Variants in MED12L observed in about 807,000 individuals in gnomAD.
MED12L encodes the protein mediator complex subunit 12L, also known as mediator of RNA polymerase II transcription subunit 12-like protein.
MED12L carries 60 observed loss-of-function variants against 281.3 expected under a neutral mutation model. The ratio of observed to expected loss-of-function variants is 0.21; its 90% CI spans 0.17 to 0.26. The LOEUF (loss-of-function observed/expected upper bound fraction) is 0.26. Ranked by LOEUF, MED12L falls within the 10% of genes least tolerant of loss-of-function variation. The pLI is 1.00. For synonymous variants in MED12L, 974 were observed against 987.2 expected (o/e 0.99, Z 0.25); for missense variants, 2,146 against 2,680.9 (o/e 0.80, Z 4.41).
chr3:151,250,385 G>A (rs182926650), intron 16 of MED12L, among the ~76,000 whole-genome samples: 1 of 152,212 alleles, frequency 6.6e-6, no homozygotes, highest in East Asian at 1.9e-4. Context: ...CTCTAGAACT[G>A]TTTTCATCTT....
intron 16 of MED12L, among the ~76,000 whole-genome samples, chr3:151,194,867 A>G (rs1037958368): frequency 2.0e-5 from 3 of 152,168 alleles, no homozygotes; most frequent in Non-Finnish European, 4.4e-5. Context: ...ACTTTTACAT[A>G]TAAAAAGCAT....
chr3:151,153,193 A>C (rs1718792163), intron 5 of MED12L, among the ~76,000 whole-genome samples: 1 of 152,172 alleles, frequency 6.6e-6, no homozygotes, highest in East Asian at 1.9e-4. Flanking sequence ...TGACCCCTGA[A>C]ACCCCTTCCA....
chr3:151,218,591 G>A (rs570127189), intron 16 of MED12L, among the ~76,000 whole-genome samples: 1 of 151,956 alleles, frequency 6.6e-6, no homozygotes, highest in Non-Finnish European at 1.5e-5. Context: ...TACTGTGGCC[G>A]GGCACGGTGG....
At chr3:151,144,062 G>C (rs1255649959) in intron 5 of MED12L, among the ~76,000 whole-genome samples, 1 of 152,188 alleles carries the variant, frequency 6.6e-6, no homozygotes, top group South Asian at 2.1e-4. Flanking sequence ...TGGAGAAGGA[G>C]CTGAGCCTGT....
At chr3:151,417,487 C>CTTTTT (rs56128844) in intron 43 of MED12L, among the ~76,000 whole-genome samples, 7 of 78,812 alleles carry the variant, frequency 8.9e-5, no homozygotes, top group African/African-American at 2.0e-4. Context: ...CCCCCCCCGC[C>CTTTTT]TTTTTTTTTT....
intron 39 of MED12L, among the ~76,000 whole-genome samples, chr3:151,400,478 C>A (rs16863364): frequency 6.6e-6 from 1 of 151,934 alleles, no homozygotes; most frequent in African/African-American, 2.4e-5. Context: ...GAATGTGTGC[C>A]CAGTTATAGC....
At chr3:151,097,575 T>C (rs964177761) in intron 2 of MED12L, among the ~76,000 whole-genome samples, 3 of 152,228 alleles carry the variant, frequency 2.0e-5, no homozygotes, top group African/African-American at 7.2e-5. Context: ...GCATTAGATA[T>C]AGTCCCAGTG....
chr3:151,346,875 C>G (rs982539367), intron 16 of MED12L, among the ~76,000 whole-genome samples: 3 of 151,968 alleles, frequency 2.0e-5, no homozygotes, highest in Non-Finnish European at 4.4e-5. Context: ...AAATTCCTTG[C>G]AATTACATGT....
At chr3:151,252,756 A>T (rs990565543) in intron 16 of MED12L, among the ~76,000 whole-genome samples, 1 of 152,148 alleles carries the variant, frequency 6.6e-6, no homozygotes, top group Non-Finnish European at 1.5e-5. Flanking sequence ...AGGTTTGTTC[A>T]TATGTAATCT....
At chr3:151,255,520 G>A (rs1737657659) in intron 16 of MED12L, among the ~76,000 whole-genome samples, 1 of 152,074 alleles carries the variant, frequency 6.6e-6, no homozygotes, top group African/African-American at 2.4e-5. Flanking sequence ...GCCATGGCTG[G>A]GGAGGAGGGT....
intron 5 of MED12L, among the ~76,000 whole-genome samples, chr3:151,153,564 CTTTTTT>C (rs1177653143): frequency 2.1e-5 from 2 of 94,288 alleles, no homozygotes; most frequent in East Asian, 6.6e-4. Flanking sequence ...TGTTTTCTTT[CTTTTTT>C]TTTTTTTTTT....
At chr3:151,097,387 G>A (rs1272503165) in intron 2 of MED12L, among the ~76,000 whole-genome samples, 1 of 152,182 alleles carries the variant, frequency 6.6e-6, no homozygotes, top group Non-Finnish European at 1.5e-5. Context: ...AACAAATTCA[G>A]TCATTCAGCA....
intron 16 of MED12L, among the ~76,000 whole-genome samples, chr3:151,289,371 G>C (rs1378989196): frequency 2.0e-5 from 3 of 152,124 alleles, no homozygotes; most frequent in Non-Finnish European, 4.4e-5. Flanking sequence ...AATTCTATAA[G>C]GCATAGAAAA....
Position 151,163,945 on chromosome 3 carries a change from A to C in MED12L, c.1160A>C (p.Glu387Ala), listed in dbSNP as rs1030075928. 3 of 1,613,472 alleles carry C rather than the reference A, an allele frequency of 1.9e-6. No individual in the cohort carries two copies. The highest frequency in any genetic ancestry group is 2.5e-6 in the Non-Finnish European group (3 of 1,179,694). Residue 387 changes from glutamate (E) to alanine (A), a missense_variant, in exon 9 of 45, where the codon GAA (glutamate) becomes GCA (alanine). Coordinates refer to ENST00000687756, the MANE Select transcript of MED12L (RefSeq NM_001393769.1). ...TTGGTGTGGAATTATTCCACAAATG[A>C]AAATAAGAGCGCAAACCCAGGCTCA... is the stretch of plus-strand genomic sequence containing the variant. ...SALVWNYSTNENKSANPGSPL... is the reference protein window; with the variant it reads ...SALVWNYSTNANKSANPGSPL...
chr3:151,327,982 G>A, intron 16 of MED12L: 3 of 1,532,392 alleles, frequency 2.0e-6, no homozygotes, highest in Non-Finnish European at 2.6e-6. Context: ...TTAACCCTAT[G>A]TACAGTTGTC....
At chr3:151,360,432 T>G (rs1343568397) in intron 20 of MED12L, 42 bp from the exon 21 acceptor site, 1 of 1,588,772 alleles carries the variant, frequency 6.3e-7, no homozygotes, top group Admixed American at 1.7e-5. Flanking sequence ...ACCCACATAG[T>G]ACAAATCTAT....
intron 5 of MED12L, among the ~76,000 whole-genome samples, chr3:151,151,030 G>GGTTTTTTTTTTTTTTTTT (rs1342933481): frequency 8.5e-5 from 1 of 11,808 alleles, no homozygotes; most frequent in Non-Finnish European, 1.9e-4. Context: ...TGCTGAAGTA[G>GGTTTTTTTTTTTTTTTTT]CTTTTTTTTT....
At chr3:151,237,629 G>C (rs549406329) in intron 16 of MED12L, among the ~76,000 whole-genome samples, 1 of 152,062 alleles carries the variant, frequency 6.6e-6, no homozygotes, top group Admixed American at 6.6e-5. Context: ...GGGATTACAG[G>C]TGTGAGCCAC....
At chr3:151,188,523 A>AT in intron 13 of MED12L, 43 bp downstream of exon 13, 1 of 1,516,960 alleles carries the variant, frequency 6.6e-7, no homozygotes, top group Non-Finnish European at 8.9e-7. Flanking sequence ...TAAATAAGGG[A>AT]TTGATTTTTT....
Sources: allele counts gnomAD v4.1 joint callset (sites outside exome capture counted in the v4.1 genomes callset), GRCh38; gene constraint gnomAD v4.1.1; transcripts MANE v1.5; gene names NCBI Gene and HGNC (gene_info 2026-07-23, HGNC 2026-07-21).